Variants in CNTN6 observed in about 807,000 individuals in gnomAD.
CNTN6 encodes the protein contactin 6, also known as contactin-6.
CNTN6 carries 137 observed loss-of-function variants against 122.8 expected under a neutral mutation model. That is an observed-to-expected ratio of 1.12 (90% confidence interval 0.97 to 1.29). CNTN6 has a LOEUF of 1.29. Among genes scored for constraint, CNTN6 ranks in the 50% most tolerant of loss-of-function variants. CNTN6 has a pLI of 0.00. For synonymous variants in CNTN6, 570 were observed against 426.0 expected (o/e 1.34, Z -4.16); for missense variants, 1,634 against 1,223.4 (o/e 1.34, Z -5.01).
At chr3:1,245,946 T>G (rs1279772641) in intron 4 of CNTN6, among the ~76,000 whole-genome samples, 2 of 151,966 alleles carry the variant, frequency 1.3e-5, no homozygotes, top group African/African-American at 4.8e-5. Context: ...TCTCATAACG[T>G]TTTAAGAAAA....
chr3:1,169,160 C>T (rs2093315399), intron 2 of CNTN6, among the ~76,000 whole-genome samples: 1 of 152,120 alleles, frequency 6.6e-6, no homozygotes, highest in Admixed American at 6.5e-5. Context: ...GGATTTAATT[C>T]TAAAAGCAAT....
intron 17 of CNTN6, among the ~76,000 whole-genome samples, chr3:1,377,409 T>C (rs3772277): frequency 0.14 from 20,981 of 152,120 alleles, 1,587 homozygotes; most frequent in East Asian, 0.15. Flanking sequence ...GTGAATAAGT[T>C]GAGCCCAGTA....
chr3:1,270,737 C>G (rs2095010647), intron 4 of CNTN6, among the ~76,000 whole-genome samples: 1 of 152,062 alleles, frequency 6.6e-6, no homozygotes. Context: ...AAAATTAGAC[C>G]TAACGTCTTT....
chr3:1,115,017 G>A (rs1487509981), intron 1 of CNTN6, among the ~76,000 whole-genome samples: 2 of 152,116 alleles, frequency 1.3e-5, no homozygotes, highest in East Asian at 3.9e-4. Context: ...CAACCTACGG[G>A]AGGTTGGAAA....
intron 2 of CNTN6, among the ~76,000 whole-genome samples, chr3:1,177,101 G>A (rs2093465228): frequency 6.6e-6 from 1 of 152,132 alleles, no homozygotes. Context: ...GTTCCAACTG[G>A]GAACCCTTCT....
At chr3:1,151,069 C>G (rs1499104) in intron 2 of CNTN6, among the ~76,000 whole-genome samples, 6 of 151,830 alleles carry the variant, frequency 4.0e-5, no homozygotes, top group Admixed American at 3.9e-4. Flanking sequence ...TTTTCAGCCC[C>G]GTGAATCCCA....
At chr3:1,175,695 T>C (rs1436863683) in intron 2 of CNTN6, among the ~76,000 whole-genome samples, 1 of 152,210 alleles carries the variant, frequency 6.6e-6, no homozygotes, top group Non-Finnish European at 1.5e-5. Flanking sequence ...AAAGACCCCA[T>C]TGGCTACTCT....
At chr3:1,123,247 A>T (rs9828588) in intron 1 of CNTN6, among the ~76,000 whole-genome samples, 40,529 of 151,548 alleles carry the variant, frequency 0.27, 7,848 homozygotes, top group African/African-American at 0.54. Flanking sequence ...TAACACTGAC[A>T]TCTTAACCAC....
At chr3:1,355,842 G>C (rs1559908018) in intron 12 of CNTN6, among the ~76,000 whole-genome samples, 1 of 151,798 alleles carries the variant, frequency 6.6e-6, no homozygotes, top group Non-Finnish European at 1.5e-5. Flanking sequence ...ACAAGAGTGA[G>C]ATATTTTCCA....
chr3:1,387,674 C>T (rs914008843), intron 20 of CNTN6, among the ~76,000 whole-genome samples: 3 of 152,152 alleles, frequency 2.0e-5, no homozygotes, highest in African/African-American at 7.2e-5. Flanking sequence ...CTAGGGGGTG[C>T]CAGACAGTGG....
intron 4 of CNTN6, among the ~76,000 whole-genome samples, chr3:1,262,422 G>T (rs1240206824): frequency 1.3e-5 from 2 of 152,128 alleles, no homozygotes; most frequent in Non-Finnish European, 2.9e-5. Context: ...GGGAGGAAGA[G>T]AATAATTGGC....
chr3:1,378,062 C>T (rs1439677422), intron 17 of CNTN6, among the ~76,000 whole-genome samples: 1 of 152,036 alleles, frequency 6.6e-6, no homozygotes. Flanking sequence ...GGTCCATTTC[C>T]AGACTCTTCC....
chr3:1,143,088 G>T (rs1443435544), intron 1 of CNTN6, among the ~76,000 whole-genome samples: 1 of 150,088 alleles, frequency 6.7e-6, no homozygotes, highest in Non-Finnish European at 1.5e-5. Context: ...TAATAAGCTG[G>T]GTAAAAAGAT....
intron 12 of CNTN6, among the ~76,000 whole-genome samples, chr3:1,355,162 T>A (rs1344123872): frequency 3.3e-5 from 5 of 151,670 alleles, no homozygotes; most frequent in Non-Finnish European, 7.4e-5. Flanking sequence ...AAGTGGACTT[T>A]GGGGTCTTTT....
intron 10 of CNTN6, 37 bp downstream of exon 10, chr3:1,327,623 A>G (rs765817767): frequency 1.9e-5 from 30 of 1,599,204 alleles, no homozygotes; most frequent in Non-Finnish European, 2.5e-5. Context: ...ATTCAAAATG[A>G]CGTTTTAACA....
intron 12 of CNTN6, among the ~76,000 whole-genome samples, chr3:1,371,692 T>A (rs1447193520): frequency 6.6e-6 from 1 of 152,100 alleles, no homozygotes. Context: ...AGAGGGAAGG[T>A]TTTTATGATG....
chr3:1,300,827 C>G (rs1697257668), intron 7 of CNTN6, among the ~76,000 whole-genome samples: 2 of 151,808 alleles, frequency 1.3e-5, no homozygotes, highest in Non-Finnish European at 2.9e-5. Flanking sequence ...CTTTCTTTCT[C>G]CACACACAAA....
At chr3:1,321,926 T>A in intron 8 of CNTN6, 92 bp downstream of exon 8, 1 of 1,134,504 alleles carries the variant, frequency 8.8e-7, no homozygotes, top group Non-Finnish European at 1.2e-6. Flanking sequence ...TGAAAAAGTG[T>A]CACGGGAGAA....
At chr3:1,256,417 A>G (rs377070803) in intron 4 of CNTN6, among the ~76,000 whole-genome samples, 34 of 152,232 alleles carry the variant, frequency 2.2e-4, no homozygotes, top group African/African-American at 8.2e-4. Flanking sequence ...GGATAGTATC[A>G]AATATCGCCA....
Sources: gnomAD v4.1 joint callset for allele counts (sites outside exome capture counted in the v4.1 genomes callset) on GRCh38, gnomAD v4.1.1 for gene constraint, MANE v1.5 for transcripts, NCBI Gene and HGNC (gene_info 2026-07-23, HGNC 2026-07-21) for gene names.